The following KHDRBS2 variants were observed in gnomAD, a reference collection of about 807,000 sequenced individuals.
KHDRBS2 encodes KH domain-containing, RNA-binding, signal transduction-associated protein 2.
In KHDRBS2, 26 loss-of-function variants were observed where a neutral mutation model predicts 44.3. The ratio of observed to expected loss-of-function variants is 0.59; its 90% confidence interval spans 0.43 to 0.81. The LOEUF is 0.81. Ranked by LOEUF, KHDRBS2 falls within the 40% of genes least tolerant of loss-of-function variation. The probability of loss-of-function intolerance (pLI) is 0.00; values close to 1 mark genes in which losing one functional copy is unlikely to be tolerated. For synonymous variants in KHDRBS2, 194 were observed against 151.1 expected, an observed-to-expected ratio of 1.28 and a Z score of -2.08; for missense variants, 476 against 433.1, an observed-to-expected ratio of 1.10 and a Z score of -0.88.
intron 6 of KHDRBS2, among the ~76,000 whole-genome samples, chr6:61,859,745 GAA>G (rs1425936594): frequency 2.0e-5 from 3 of 151,930 alleles, no homozygotes; most frequent in African/African-American, 4.8e-5. Context: ...CAAAATGACA[GAA>G]GTGATATATG....
the KHDRBS2 span, among the ~76,000 whole-genome samples, chr6:61,632,908 TTA>T: frequency 6.6e-6 from 1 of 152,104 alleles, no homozygotes. Context: ...AAATTCTAAT[TTA>T]TCTCTCAGTT....
At chr6:61,652,067 T>A in the KHDRBS2 span, among the ~76,000 whole-genome samples, 1 of 152,128 alleles carries the variant, frequency 6.6e-6, no homozygotes. Flanking sequence ...TATAAACCTA[T>A]GAAATTTTGG....
chr6:61,715,965 T>C (rs1648484368), intron 7 of KHDRBS2, among the ~76,000 whole-genome samples: 1 of 100,194 alleles, frequency 1.0e-5, no homozygotes, highest in Non-Finnish European at 2.0e-5. Context: ...GCAGGTTATA[T>C]TTTTTTAAAA....
chr6:61,849,817 G>C (rs1795177481), intron 6 of KHDRBS2, among the ~76,000 whole-genome samples: 1 of 152,044 alleles, frequency 6.6e-6, no homozygotes, highest in African/African-American at 2.4e-5. Context: ...TCTTAACCTT[G>C]TGGTAGAAAC....
intron 2 of KHDRBS2, among the ~76,000 whole-genome samples, chr6:62,175,554 TGTAAA>T (rs368477111): frequency 0.024 from 3,708 of 151,620 alleles, 115 homozygotes; most frequent in African/African-American, 0.079. Context: ...TTGCCTCATC[TGTAAA>T]ATAAAAGTTT....
chr6:61,916,619 T>A (rs1807052948), intron 4 of KHDRBS2, among the ~76,000 whole-genome samples: 1 of 151,962 alleles, frequency 6.6e-6, no homozygotes, highest in African/African-American at 2.4e-5. Flanking sequence ...GAAAAATATA[T>A]CTGCAAAAGA....
chr6:61,854,208 AT>A (rs1046560905), intron 6 of KHDRBS2, among the ~76,000 whole-genome samples: 1 of 151,582 alleles, frequency 6.6e-6, no homozygotes, highest in Non-Finnish European at 1.5e-5. Flanking sequence ...AATACTTGAA[AT>A]TTTTTTTCTG....
chr6:62,207,058 G>T (rs369983282), intron 1 of KHDRBS2, among the ~76,000 whole-genome samples: 1 of 151,960 alleles, frequency 6.6e-6, no homozygotes, highest in Non-Finnish European at 1.5e-5. Flanking sequence ...CTTTAATCCT[G>T]TAAGACTTTA....
At chr6:61,655,578 T>C in the KHDRBS2 span, among the ~76,000 whole-genome samples, 30,544 of 151,868 alleles carry the variant, frequency 0.2, 3,587 homozygotes, top group South Asian at 0.33. Flanking sequence ...TTAAGACATA[T>C]TTTTTTTCTG....
At chr6:62,201,502 G>A (rs1414570442) in intron 1 of KHDRBS2, among the ~76,000 whole-genome samples, 3 of 151,942 alleles carry the variant, frequency 2.0e-5, no homozygotes, top group Non-Finnish European at 4.4e-5. Context: ...GAGACAATGA[G>A]GTACACATAG....
At chr6:61,745,303 G>T (rs559225610) in intron 6 of KHDRBS2, among the ~76,000 whole-genome samples, 4 of 152,114 alleles carry the variant, frequency 2.6e-5, no homozygotes, top group Non-Finnish European at 4.4e-5. Context: ...ATATTCGGTT[G>T]TCAGTAGGTT....
At chr6:61,600,149 G>T in the KHDRBS2 span, among the ~76,000 whole-genome samples, 1 of 152,094 alleles carries the variant, frequency 6.6e-6, no homozygotes, top group South Asian at 2.1e-4. Flanking sequence ...TCCTTGATGG[G>T]TTCCACAGGC....
intron 6 of KHDRBS2, among the ~76,000 whole-genome samples, chr6:61,881,180 C>T (rs1800158240): frequency 6.6e-6 from 1 of 151,872 alleles, no homozygotes; most frequent in African/African-American, 2.4e-5. Context: ...ACATGGGTGC[C>T]AGATGACTGA....
intron 2 of KHDRBS2, among the ~76,000 whole-genome samples, chr6:62,070,716 C>T (rs553781767): frequency 6.6e-6 from 1 of 152,268 alleles, no homozygotes; most frequent in South Asian, 2.1e-4. Context: ...ATATGTGCCA[C>T]ATTTTCTTAA....
intron 2 of KHDRBS2, among the ~76,000 whole-genome samples, chr6:62,145,587 T>A (rs1320318521): frequency 6.6e-6 from 1 of 151,878 alleles, no homozygotes; most frequent in Non-Finnish European, 1.5e-5. Context: ...TTAGGTTTAC[T>A]TCCAAGTGTT....
At chr6:62,125,609 G>C (rs1321589818) in intron 2 of KHDRBS2, among the ~76,000 whole-genome samples, 4 of 152,306 alleles carry the variant, frequency 2.6e-5, no homozygotes, top group East Asian at 3.9e-4. Flanking sequence ...AGAGGAGAGG[G>C]AAGAGTAAAG....
chr6:61,600,531 A>C, the KHDRBS2 span, among the ~76,000 whole-genome samples: 7 of 151,980 alleles, frequency 4.6e-5, no homozygotes, highest in African/African-American at 1.7e-4. Context: ...ATCTCCCTTC[A>C]CTGAGTCTCT....
At chr6:61,828,433 G>T (rs372756335) in intron 6 of KHDRBS2, among the ~76,000 whole-genome samples, 1 of 152,260 alleles carries the variant, frequency 6.6e-6, no homozygotes, top group African/African-American at 2.4e-5. Flanking sequence ...TTACAGGTGC[G>T]GGTGAAGGGT....
At chr6:62,152,224 T>G (rs941716885) in intron 2 of KHDRBS2, among the ~76,000 whole-genome samples, 3 of 151,316 alleles carry the variant, frequency 2.0e-5, no homozygotes, top group African/African-American at 7.3e-5. Flanking sequence ...GAGGCTGAGG[T>G]AGGAGAATGG....
Sources: allele counts gnomAD v4.1 joint callset (sites outside exome capture counted in the v4.1 genomes callset), GRCh38; gene constraint gnomAD v4.1.1; transcripts MANE v1.5; gene names NCBI Gene and HGNC (gene_info 2026-07-23, HGNC 2026-07-21).